The following CTNNA2 variants were observed in gnomAD, a reference collection of about 807,000 sequenced individuals.
CTNNA2 encodes the protein catenin alpha-2.
A neutral mutation model predicts 101.0 loss-of-function variants in CTNNA2; 42 were observed. The ratio of observed to expected loss-of-function variants is 0.42; its 90% CI spans 0.32 to 0.54. The LOEUF is 0.54. Ranked by LOEUF, CTNNA2 falls within the 20% of genes least tolerant of loss-of-function variation. The pLI is 0.14. For synonymous variants in CTNNA2, 450 were observed against 456.4 expected (o/e 0.99, Z 0.18); for missense variants, 871 against 1,223.1 (o/e 0.71, Z 4.29).
In CTNNA2 at chr2:79,818,075, G is replaced by T. The variant is rs185355638; in HGVS notation, c.299-39938G>T. 5.9e-5 allele frequency among the ~76,000 whole-genome samples: 9 copies of T among 152,234 alleles called. No homozygotes were observed. The East Asian group carries it at 9.7e-4, about 16-fold the overall frequency. On this transcript the variant is annotated intron_variant, in intron 3 of 18. Coordinates refer to ENST00000402739, the MANE Select transcript of CTNNA2 (RefSeq NM_001282597.3). Reference sequence around the variant, plus strand: ...TTATACAGTGTTTAACTCCTACTGGGTGTTTCTTTTTCTGAGTCTTTTTTA... The same window carrying T: ...TTATACAGTGTTTAACTCCTACTGGTTGTTTCTTTTTCTGAGTCTTTTTTA...
chr2:80,252,051 T>G (rs1201663873), intron 7 of CTNNA2, among the ~76,000 whole-genome samples: 1 of 152,184 alleles, frequency 6.6e-6, no homozygotes. Flanking sequence ...CTTTCTAGAG[T>G]CAATTCCTCT....
chr2:80,213,162 C>T (rs1010426146), intron 7 of CTNNA2, among the ~76,000 whole-genome samples: 2 of 152,036 alleles, frequency 1.3e-5, no homozygotes, highest in East Asian at 3.9e-4. Flanking sequence ...TTCAAAAAAC[C>T]AGCTACTGGA....
intron 4 of CTNNA2, among the ~76,000 whole-genome samples, chr2:79,437,904 C>T (rs921727324): frequency 6.6e-6 from 1 of 152,166 alleles, no homozygotes; most frequent in Non-Finnish European, 1.5e-5. Flanking sequence ...AGGGTCTTTT[C>T]TGTTTCTGAC....
chr2:80,357,328 A>G (rs1260546410), intron 7 of CTNNA2, among the ~76,000 whole-genome samples: 1 of 151,826 alleles, frequency 6.6e-6, no homozygotes, highest in African/African-American at 2.4e-5. Flanking sequence ...GGGGAAGGAA[A>G]GGAAAGAAAG....
intron 3 of CTNNA2, among the ~76,000 whole-genome samples, chr2:79,773,657 C>A (rs373884604): frequency 6.6e-6 from 1 of 152,030 alleles, no homozygotes; most frequent in African/African-American, 2.4e-5. Context: ...ATTTTGGGGG[C>A]TCAAGATGTT....
At chr2:80,574,347 A>G (rs1365286005) in intron 13 of CTNNA2, 33 bp downstream of exon 13, 3 of 1,539,726 alleles carry the variant, frequency 1.9e-6, no homozygotes, top group Non-Finnish European at 2.6e-6. Context: ...AGAGCTGGTC[A>G]GATCTCCTAG....
chr2:79,253,024 G>C (rs1340412158), intron 2 of CTNNA2, among the ~76,000 whole-genome samples: 2 of 152,208 alleles, frequency 1.3e-5, no homozygotes, highest in Non-Finnish European at 2.9e-5. Context: ...TAGTGCCACT[G>C]TCATGGAAGC....
chr2:80,106,928 T>A (rs546148281), intron 7 of CTNNA2, among the ~76,000 whole-genome samples: 1 of 152,222 alleles, frequency 6.6e-6, no homozygotes, highest in East Asian at 1.9e-4. Context: ...TACTTCTCAT[T>A]CCCTATTTGA....
intron 7 of CTNNA2, among the ~76,000 whole-genome samples, chr2:80,140,255 T>G (rs1249449987): frequency 2.0e-5 from 3 of 152,178 alleles, no homozygotes; most frequent in African/African-American, 7.2e-5. Flanking sequence ...TGATACCAAT[T>G]GACTTTTAAA....
intron 7 of CTNNA2, among the ~76,000 whole-genome samples, chr2:79,987,709 G>A (rs1207112004): frequency 1.3e-5 from 2 of 152,144 alleles, no homozygotes; most frequent in Admixed American, 6.5e-5. Context: ...GTTTTATGAA[G>A]CATTCTCTCT....
At chr2:79,360,156 T>C (rs1187791252) in intron 3 of CTNNA2, among the ~76,000 whole-genome samples, 1 of 152,280 alleles carries the variant, frequency 6.6e-6, no homozygotes, top group Middle Eastern at 3.4e-3. Flanking sequence ...CTATTATGAC[T>C]AAGACACAGG....
chr2:80,183,794 C>T (rs892142437), intron 7 of CTNNA2, among the ~76,000 whole-genome samples: 3 of 152,098 alleles, frequency 2.0e-5, no homozygotes, highest in African/African-American at 7.2e-5. Context: ...TTTTGCTTCA[C>T]TTAACTTTTT....
chr2:80,226,883 G>T (rs1454090163), intron 7 of CTNNA2, among the ~76,000 whole-genome samples: 1 of 151,976 alleles, frequency 6.6e-6, no homozygotes, highest in Non-Finnish European at 1.5e-5. Flanking sequence ...CATTTGTTCT[G>T]CCCTGCCCCG....
chr2:80,485,092 G>C lies in CTNNA2; in HGVS notation c.1291-59890G>C, dbSNP rs554677266. 2.9e-4 allele frequency among the ~76,000 whole-genome samples: 44 copies of C among 152,294 alleles called. No individual in the cohort carries two copies. In the South Asian group the frequency reaches 3.5e-3, roughly 12 times the overall value. ...ACTCATTTGTTTTGCAGAATAGTTT[G>C]TAAGTGTACGTGTGTGTTGTTTGTG... On this transcript the variant is annotated intron_variant, in intron 9 of 18. Transcript: ENST00000402739.
intron 6 of CTNNA2, among the ~76,000 whole-genome samples, chr2:79,884,427 C>T (rs1377108359): frequency 2.0e-5 from 3 of 152,164 alleles, no homozygotes; most frequent in African/African-American, 7.2e-5. Flanking sequence ...AGGCACTCTA[C>T]CTGAGTGTCT....
Position 80,596,618 on chromosome 2 carries a change from G to A in CTNNA2, c.2189+7133G>A, listed in dbSNP as rs549984113. On this transcript the variant is annotated intron_variant, in intron 15 of 18. Coordinates refer to ENST00000402739, the MANE Select transcript of CTNNA2 (RefSeq NM_001282597.3). ...TGAGCCACCGCACCAGGCCAACAAGGGGTTTTTCTAAGTACACAATCATGT... is the reference window on the plus strand; with the variant it reads ...TGAGCCACCGCACCAGGCCAACAAGAGGTTTTTCTAAGTACACAATCATGT... Among the ~76,000 whole-genome samples, 6 of 151,858 alleles carry A rather than the reference G, an allele frequency of 4.0e-5. No homozygotes were observed. In the East Asian group the frequency reaches 1.2e-3, roughly 30 times the overall value.
At chr2:79,514,097 C>T (rs1042684574) in intron 1 of CTNNA2, among the ~76,000 whole-genome samples, 8 of 152,186 alleles carry the variant, frequency 5.3e-5, no homozygotes, top group Admixed American at 2.6e-4. Context: ...CAGAAACTCT[C>T]TAAACTTTAA....
rs544376964 is a variant in CTNNA2 at position 80,146,794 on chromosome 2, G to A, written c.1056+236997G>A. ...GGCTGGACTGCAGTGGCACAATCTC[G>A]GCTCACTGCAACCTCTGCCTACCAG... is the stretch of plus-strand genomic sequence containing the variant. On this transcript the variant is annotated intron_variant, in intron 7 of 18. Transcript: ENST00000402739. 3.6e-4 allele frequency among the ~76,000 whole-genome samples: 42 copies of A among 117,344 alleles called. 1 individual carries two copies. In the South Asian group the frequency reaches 5.1e-3, roughly 14 times the overall value. The allele number at this position is 117,344 out of a possible 152,430, so 77.0% of individuals were successfully genotyped here. A position where few individuals can be genotyped will look rare whatever the true frequency, so the allele number is the denominator to read the frequency against.
At chr2:80,378,897 T>A (rs952220260) in intron 7 of CTNNA2, 1 of 152,198 alleles carries the variant, frequency 6.6e-6, no homozygotes, top group African/African-American at 2.4e-5. Flanking sequence ...TGTCGTGGTA[T>A]CGGGAAGAGA....
Sources: allele counts gnomAD v4.1 joint callset (sites outside exome capture counted in the v4.1 genomes callset), GRCh38; gene constraint gnomAD v4.1.1; transcripts MANE v1.5; gene names NCBI Gene and HGNC (gene_info 2026-07-23, HGNC 2026-07-21).